Variants in GRB2 observed in about 807,000 individuals in gnomAD.
The protein encoded by GRB2 is growth factor receptor bound protein 2, also known as growth factor receptor-bound protein 2.
In GRB2, 2 loss-of-function variants were observed where a neutral mutation model predicts 27.4. The observed-to-expected ratio is 0.07, with a 90% CI of 0.03 to 0.23. GRB2 has a LOEUF of 0.23. Among genes scored for constraint, GRB2 ranks in the 10% least tolerant of loss-of-function variants. The pLI is 1.00. For synonymous variants in GRB2, 94 were observed against 99.6 expected (o/e 0.94, Z 0.33); for missense variants, 102 against 282.4 (o/e 0.36, Z 4.58).
chr17:75,359,965 GTTCT>G (rs766305464), intron 2 of GRB2, among the ~76,000 whole-genome samples: 98 of 147,408 alleles, frequency 6.6e-4, no homozygotes, highest in Non-Finnish European at 1.2e-3. Context: ...GTGTTACAAA[GTTCT>G]TTCTGTCTTA....
chr17:75,323,637 A>G (rs2078475572), intron 4 of GRB2, among the ~76,000 whole-genome samples: 1 of 152,116 alleles, frequency 6.6e-6, no homozygotes, highest in Non-Finnish European at 1.5e-5. Flanking sequence ...GAAGTTTGAG[A>G]GTTTCTGCTG....
chr17:75,334,888 C>G (rs973617491), intron 2 of GRB2, among the ~76,000 whole-genome samples: 1 of 147,070 alleles, frequency 6.8e-6, no homozygotes, highest in Admixed American at 6.8e-5. Context: ...GGGTCTTGCT[C>G]TGCTGCCCAG....
chr17:75,377,597 GAAAAAAAAAAAA>G (rs60003550), intron 2 of GRB2, among the ~76,000 whole-genome samples: 17 of 53,170 alleles, frequency 3.2e-4, no homozygotes, highest in Middle Eastern at 0.03. Context: ...CCCTGTCTCA[GAAAAAAAAAAAA>G]AAAAAAAAAA....
chr17:75,346,072 T>G (rs1037141863), intron 2 of GRB2, among the ~76,000 whole-genome samples: 1 of 151,468 alleles, frequency 6.6e-6, no homozygotes, highest in Admixed American at 6.6e-5. Flanking sequence ...GGCAGTGCGG[T>G]AGAGAGGAGA....
intron 1 of GRB2, chr17:75,394,756 C>G (rs1421936704): frequency 6.6e-6 from 1 of 152,196 alleles, no homozygotes; most frequent in African/African-American, 2.4e-5. Flanking sequence ...CACAGTCACC[C>G]TGTGCACAGC....
At chr17:75,344,854 A>AC (rs2078644605) in intron 2 of GRB2, among the ~76,000 whole-genome samples, 1 of 134,146 alleles carries the variant, frequency 7.5e-6, no homozygotes, top group African/African-American at 2.8e-5. Flanking sequence ...ACCCCCTCCC[A>AC]ACCCCCCCGC....
intron 2 of GRB2, among the ~76,000 whole-genome samples, chr17:75,344,127 A>G (rs1006916552): frequency 6.6e-6 from 1 of 152,136 alleles, no homozygotes; most frequent in South Asian, 2.1e-4. Context: ...AAAGACGATG[A>G]CTTAACTCCA....
intron 1 of GRB2, among the ~76,000 whole-genome samples, chr17:75,396,952 G>A (rs1472094412): frequency 6.6e-6 from 1 of 152,196 alleles, no homozygotes; most frequent in African/African-American, 2.4e-5. Context: ...ATTTAAGACA[G>A]CTGCAATGTT....
intron 2 of GRB2, among the ~76,000 whole-genome samples, chr17:75,349,490 C>T (rs2078675358): frequency 6.9e-6 from 1 of 145,488 alleles, no homozygotes. Flanking sequence ...TTCGAGCCTT[C>T]TGTTTTCATA....
chr17:75,353,461 C>CT (rs2078706839), intron 2 of GRB2, among the ~76,000 whole-genome samples: 1 of 74,676 alleles, frequency 1.3e-5, no homozygotes, highest in African/African-American at 2.6e-5. Context: ...TTTCTATGCC[C>CT]TTAAAAAAAA....
chr17:75,384,878 T>G (rs2078952333), intron 2 of GRB2, among the ~76,000 whole-genome samples: 1 of 151,054 alleles, frequency 6.6e-6, no homozygotes, highest in Non-Finnish European at 1.5e-5. Flanking sequence ...TCTCTCTAGT[T>G]TGACCTCATT....
intron 2 of GRB2, among the ~76,000 whole-genome samples, chr17:75,368,420 T>A (rs928551673): frequency 6.6e-6 from 1 of 151,822 alleles, no homozygotes; most frequent in African/African-American, 2.4e-5. Context: ...GAGATGGGGT[T>A]TCACCAGCTT....
chr17:75,341,176 AATCCC>A (rs1269611448), intron 2 of GRB2, among the ~76,000 whole-genome samples: 8 of 152,270 alleles, frequency 5.3e-5, no homozygotes, highest in African/African-American at 1.9e-4. Flanking sequence ...TCACGCCTGT[AATCCC>A]AGCACTTTGG....
intron 2 of GRB2, among the ~76,000 whole-genome samples, chr17:75,368,336 C>T (rs1402968263): frequency 6.6e-6 from 1 of 151,768 alleles, no homozygotes; most frequent in Non-Finnish European, 1.5e-5. Flanking sequence ...CTGCCTCAGC[C>T]TCCTGAGTAG....
At chr17:75,375,549 G>A (rs2078886759) in intron 2 of GRB2, among the ~76,000 whole-genome samples, 3 of 152,104 alleles carry the variant, frequency 2.0e-5, no homozygotes, top group Admixed American at 2.0e-4. Context: ...AAATCTGAAA[G>A]TATTAAAATC....
intron 2 of GRB2, among the ~76,000 whole-genome samples, chr17:75,374,467 C>T (rs915055672): frequency 1.3e-5 from 2 of 149,254 alleles, no homozygotes; most frequent in Admixed American, 6.7e-5. Context: ...CAGTAGCTGA[C>T]ACCTGTAATC....
intron 2 of GRB2, among the ~76,000 whole-genome samples, chr17:75,381,720 CAA>C (rs373432382): frequency 2.0e-5 from 2 of 98,346 alleles, no homozygotes; most frequent in Non-Finnish European, 3.7e-5. Flanking sequence ...GACTCCGTCT[CAA>C]AAAAAAAAAA....
chr17:75,393,150 T>C (rs1371553430), intron 2 of GRB2, among the ~76,000 whole-genome samples: 8 of 152,354 alleles, frequency 5.3e-5, no homozygotes, highest in Admixed American at 5.2e-4. Context: ...ATCCTTTGGC[T>C]ATACAAAGTA....
chr17:75,382,994 C>T (rs941633250), intron 2 of GRB2, among the ~76,000 whole-genome samples: 1 of 152,158 alleles, frequency 6.6e-6, no homozygotes. Context: ...CAGGCGTGAG[C>T]CACTGCGCCC....
Sources: gnomAD v4.1 joint callset for allele counts (sites outside exome capture counted in the v4.1 genomes callset) on GRCh38, gnomAD v4.1.1 for gene constraint, MANE v1.5 for transcripts, NCBI Gene and HGNC (gene_info 2026-07-23, HGNC 2026-07-21) for gene names.